EXOC4: variants seen among roughly 807,000 people sequenced by gnomAD.
The protein encoded by EXOC4 is SEC8-like 1.
EXOC4 carries 71 observed loss-of-function variants against 107.2 expected under a neutral mutation model. That is an observed-to-expected ratio of 0.66 (90% CI 0.55 to 0.81). The LOEUF is 0.81. EXOC4 is among the 30% of genes least tolerant of loss of function. The pLI is 0.00. For synonymous variants in EXOC4, 456 were observed against 441.2 expected (o/e 1.03, Z -0.42); for missense variants, 1,108 against 1,189.6 (o/e 0.93, Z 1.01).
At chr7:133,752,458 A>G (rs971344227) in intron 10 of EXOC4, among the ~76,000 whole-genome samples, 4 of 152,142 alleles carry the variant, frequency 2.6e-5, no homozygotes, top group Non-Finnish European at 4.4e-5. Flanking sequence ...CCTTTCTGGG[A>G]TGATGTTTTC....
At chr7:133,491,047 C>T (rs1315869387) in intron 9 of EXOC4, among the ~76,000 whole-genome samples, 1 of 152,114 alleles carries the variant, frequency 6.6e-6, no homozygotes, top group Non-Finnish European at 1.5e-5. Context: ...TGATGGCAGC[C>T]TGGTTCTATA....
chr7:133,668,411 G>A (rs1793864861), intron 10 of EXOC4, among the ~76,000 whole-genome samples: 1 of 152,012 alleles, frequency 6.6e-6, no homozygotes, highest in African/African-American at 2.4e-5. Flanking sequence ...TTTTTTTCTT[G>A]TAAATAGATT....
intron 7 of EXOC4, among the ~76,000 whole-genome samples, chr7:133,452,139 C>CT (rs1798362469): frequency 6.6e-6 from 1 of 151,922 alleles, no homozygotes; most frequent in Non-Finnish European, 1.5e-5. Flanking sequence ...AAGAGTCCAA[C>CT]TTTTTTCATG....
At chr7:133,964,137 C>A (rs1801008707) in intron 14 of EXOC4, among the ~76,000 whole-genome samples, 1 of 152,072 alleles carries the variant, frequency 6.6e-6, no homozygotes, top group South Asian at 2.1e-4. Flanking sequence ...GAAAAATAGG[C>A]AGTGTGTAAG....
At chr7:133,506,889 C>A (rs372772464) in intron 9 of EXOC4, among the ~76,000 whole-genome samples, 3 of 151,588 alleles carry the variant, frequency 2.0e-5, no homozygotes, top group African/African-American at 7.3e-5. Flanking sequence ...AAAAATAATC[C>A]CTAACACCTC....
intron 10 of EXOC4, among the ~76,000 whole-genome samples, chr7:133,671,458 T>C (rs1793943839): frequency 1.3e-5 from 2 of 152,064 alleles, no homozygotes; most frequent in African/African-American, 4.8e-5. Context: ...TCCCAGTTAC[T>C]CAGGAGACTG....
intron 1 of EXOC4, among the ~76,000 whole-genome samples, chr7:133,256,287 C>A (rs977456595): frequency 6.6e-6 from 1 of 152,170 alleles, no homozygotes; most frequent in Non-Finnish European, 1.5e-5. Flanking sequence ...GGTCTGCATT[C>A]ATTTTTTCTT....
chr7:133,436,345 T>A (rs1797974112), intron 7 of EXOC4, among the ~76,000 whole-genome samples: 1 of 152,176 alleles, frequency 6.6e-6, no homozygotes, highest in Admixed American at 6.6e-5. Flanking sequence ...TCATTACTCA[T>A]ATAAATGATA....
intron 9 of EXOC4, among the ~76,000 whole-genome samples, chr7:133,598,267 C>T (rs1452789357): frequency 6.6e-6 from 1 of 152,168 alleles, no homozygotes; most frequent in Non-Finnish European, 1.5e-5. Flanking sequence ...TTCTGCTGCA[C>T]CCTCATCTAA....
chr7:134,001,237 G>C (rs1324875063), intron 15 of EXOC4, among the ~76,000 whole-genome samples: 3 of 152,062 alleles, frequency 2.0e-5, no homozygotes, highest in Non-Finnish European at 4.4e-5. Context: ...ACCTTTATCA[G>C]CTGATTTTTC....
chr7:133,374,424 G>T (rs540134749), intron 6 of EXOC4, among the ~76,000 whole-genome samples: 28 of 152,226 alleles, frequency 1.8e-4, no homozygotes, highest in Middle Eastern at 3.4e-3. Flanking sequence ...CTAGGGAATA[G>T]CATATTCTGT....
At chr7:133,952,264 C>T (rs1800710378) in intron 14 of EXOC4, among the ~76,000 whole-genome samples, 1 of 152,176 alleles carries the variant, frequency 6.6e-6, no homozygotes, top group Admixed American at 6.5e-5. Context: ...AGCTCTGGGA[C>T]TCAGACCTTT....
intron 1 of EXOC4, among the ~76,000 whole-genome samples, chr7:133,272,568 G>T (rs914823066): frequency 6.6e-6 from 1 of 151,416 alleles, no homozygotes; most frequent in Non-Finnish European, 1.5e-5. Flanking sequence ...TATTATCCTT[G>T]CTGCCTTCCT....
At chr7:133,881,730 C>T (rs1383150490) in intron 11 of EXOC4, among the ~76,000 whole-genome samples, 5 of 152,160 alleles carry the variant, frequency 3.3e-5, no homozygotes, top group Non-Finnish European at 5.9e-5. Flanking sequence ...CCTGCTGTTT[C>T]CCCAAACAAC....
At chr7:133,722,336 T>G (rs182706672) in intron 10 of EXOC4, among the ~76,000 whole-genome samples, 6 of 152,376 alleles carry the variant, frequency 3.9e-5, no homozygotes, top group Non-Finnish European at 7.3e-5. Flanking sequence ...CCTGAGTTCA[T>G]TACATTCTTG....
intron 9 of EXOC4, among the ~76,000 whole-genome samples, chr7:133,623,242 A>G (rs973612749): frequency 1.3e-5 from 2 of 152,182 alleles, no homozygotes; most frequent in African/African-American, 4.8e-5. Flanking sequence ...CAATATTGAC[A>G]AGACGTTTAC....
intron 11 of EXOC4, among the ~76,000 whole-genome samples, chr7:133,845,761 C>T (rs902841079): frequency 6.6e-6 from 1 of 152,074 alleles, no homozygotes; most frequent in Non-Finnish European, 1.5e-5. Flanking sequence ...GCTTTGCTTA[C>T]TTTCACAGAT....
intron 9 of EXOC4, among the ~76,000 whole-genome samples, chr7:133,481,737 T>C (rs1799163008): frequency 6.6e-6 from 1 of 152,166 alleles, no homozygotes; most frequent in South Asian, 2.1e-4. Context: ...ATGAAAGGGT[T>C]GTCATGCATT....
chr7:133,614,435 A>G (rs1802141970), intron 9 of EXOC4, among the ~76,000 whole-genome samples: 2 of 152,076 alleles, frequency 1.3e-5, no homozygotes, highest in South Asian at 4.1e-4. Context: ...TAATTGTGCA[A>G]TACTCCTGGC....
Sources: allele counts gnomAD v4.1 joint callset (sites outside exome capture counted in the v4.1 genomes callset), GRCh38; gene constraint gnomAD v4.1.1; transcripts MANE v1.5; gene names NCBI Gene and HGNC (gene_info 2026-07-23, HGNC 2026-07-21).